The following KIAA1549L variants were observed in gnomAD, a reference collection of about 807,000 sequenced individuals.
KIAA1549L encodes the protein UPF0606 protein KIAA1549L.
KIAA1549L carries 88 observed loss-of-function variants against 160.7 expected under a neutral mutation model. The ratio of observed to expected loss-of-function variants is 0.55; its 90% confidence interval spans 0.46 to 0.65. KIAA1549L has a LOEUF of 0.65. KIAA1549L is among the 30% of genes least tolerant of loss of function. The pLI is 0.00. For missense variants in KIAA1549L, 2,258 were observed against 2,437.5 expected (o/e 0.93, Z 1.55); for synonymous variants, 950 against 976.7 (o/e 0.97, Z 0.51).
At chr11:33,605,170 G>A (rs1850467784) in intron 13 of KIAA1549L, among the ~76,000 whole-genome samples, 1 of 143,936 alleles carries the variant, frequency 6.9e-6, no homozygotes. Flanking sequence ...GTTTTGTTTT[G>A]TTTTGTTTTG....
intron 1 of KIAA1549L, among the ~76,000 whole-genome samples, chr11:33,537,272 G>A (rs1474073102): frequency 6.6e-6 from 1 of 152,162 alleles, no homozygotes; most frequent in African/African-American, 2.4e-5. Context: ...TCAGATCACA[G>A]GACTATGGAT....
intron 2 of KIAA1549L, 160 bp downstream of exon 2, chr11:33,544,496 C>A: frequency 1.2e-6 from 1 of 804,522 alleles, no homozygotes; most frequent in Non-Finnish European, 1.9e-6. Flanking sequence ...CAAGTAGTCA[C>A]CTCATTGATC....
At chr11:33,611,318 G>A (rs1850643910) in intron 15 of KIAA1549L, among the ~76,000 whole-genome samples, 1 of 152,104 alleles carries the variant, frequency 6.6e-6, no homozygotes, top group Admixed American at 6.5e-5. Context: ...GAGCCATAGG[G>A]CAGTTTCTGG....
intron 1 of KIAA1549L, among the ~76,000 whole-genome samples, chr11:33,401,253 AATAC>A (rs1388995688): frequency 5.4e-5 from 8 of 147,956 alleles, no homozygotes; most frequent in Non-Finnish European, 4.5e-5. Context: ...AGTATATATA[AATAC>A]ATTATATTTA....
intron 15 of KIAA1549L, among the ~76,000 whole-genome samples, chr11:33,618,088 T>C (rs1418995570): frequency 6.6e-6 from 1 of 152,250 alleles, no homozygotes; most frequent in Non-Finnish European, 1.5e-5. Context: ...GCCCACTAGC[T>C]ACAGGGTTTA....
At chr11:33,621,787 A>T (rs1850964713) in intron 16 of KIAA1549L, among the ~76,000 whole-genome samples, 1 of 152,216 alleles carries the variant, frequency 6.6e-6, no homozygotes, top group African/African-American at 2.4e-5. Flanking sequence ...AAGGTAAGTA[A>T]TCATTAAATC....
At chr11:33,664,651 C>G (rs1053679079) in intron 20 of KIAA1549L, among the ~76,000 whole-genome samples, 1 of 152,192 alleles carries the variant, frequency 6.6e-6, no homozygotes, top group Non-Finnish European at 1.5e-5. Context: ...CTGACCTTTC[C>G]TGCCATGTGA....
At chr11:33,488,508 G>A (rs1448457257) in intron 1 of KIAA1549L, among the ~76,000 whole-genome samples, 1 of 152,144 alleles carries the variant, frequency 6.6e-6, no homozygotes, top group East Asian at 1.9e-4. Flanking sequence ...TTGATTAATT[G>A]CTTTCCACAT....
intron 1 of KIAA1549L, among the ~76,000 whole-genome samples, chr11:33,456,295 T>C (rs978168075): frequency 4.6e-5 from 7 of 152,300 alleles, no homozygotes; most frequent in Admixed American, 4.6e-4. Context: ...ATAACGGTCA[T>C]GTGTGCCTTT....
chr11:33,474,876 G>T (rs1195507272), intron 1 of KIAA1549L, among the ~76,000 whole-genome samples: 1 of 152,240 alleles, frequency 6.6e-6, no homozygotes, highest in African/African-American at 2.4e-5. Context: ...GTGAGGAATG[G>T]TGGAGGAATT....
At chr11:33,468,194 G>A (rs570321681) in intron 1 of KIAA1549L, among the ~76,000 whole-genome samples, 41 of 152,192 alleles carry the variant, frequency 2.7e-4, no homozygotes, top group Middle Eastern at 6.8e-3. Flanking sequence ...TATTACACTC[G>A]GCTCTTCAAA....
chr11:33,634,792 C>T (rs1590421889), intron 16 of KIAA1549L, among the ~76,000 whole-genome samples: 2 of 152,248 alleles, frequency 1.3e-5, no homozygotes, highest in South Asian at 2.1e-4. Flanking sequence ...GTCCCTATTT[C>T]CTTAGAAGTC....
chr11:33,610,601 G>A (rs946764802), intron 15 of KIAA1549L, among the ~76,000 whole-genome samples: 2 of 152,178 alleles, frequency 1.3e-5, no homozygotes, highest in Non-Finnish European at 2.9e-5. Context: ...GGAACTTAGG[G>A]TCTAATGGGA....
intron 4 of KIAA1549L, 41 bp from the exon 5 acceptor site, chr11:33,550,999 G>A (rs759478940): frequency 1.3e-6 from 2 of 1,530,544 alleles, no homozygotes; most frequent in African/African-American, 1.4e-5. Flanking sequence ...AAAGTGCTGT[G>A]GAAATAAACA....
chr11:33,578,600 C>T (rs922021722), intron 10 of KIAA1549L, among the ~76,000 whole-genome samples: 1 of 152,208 alleles, frequency 6.6e-6, no homozygotes, highest in Non-Finnish European at 1.5e-5. Flanking sequence ...TGCTGGCTCC[C>T]ATCATTCACA....
In KIAA1549L at chr11:33,673,653, A is replaced by G. The variant is rs1472054634; in HGVS notation, c.*5499A>G. 3 of 152,192 alleles carry G rather than the reference A, an allele frequency of 2.0e-5. No individual in the cohort carries two copies. The highest frequency in any genetic ancestry group is 4.4e-5 in the Non-Finnish European group (3 of 68,040). The allele number at this position is 152,192 out of a possible 1,614,324, so 9.4% of individuals were successfully genotyped here. A position where few individuals can be genotyped will look rare whatever the true frequency, so the allele number is the denominator to read the frequency against. On this transcript the variant is annotated 3_prime_UTR_variant, in exon 21 of 21. Transcript: ENST00000658780. Reference sequence around the variant, plus strand: ...ACAAGCACTTGAAGCCATTCTTACTAAATTATTAGTTTTGTAATTCGGTTT... The same window carrying G: ...ACAAGCACTTGAAGCCATTCTTACTGAATTATTAGTTTTGTAATTCGGTTT...
intron 13 of KIAA1549L, among the ~76,000 whole-genome samples, chr11:33,604,933 C>G (rs1387590366): frequency 1.3e-5 from 2 of 152,052 alleles, no homozygotes; most frequent in Admixed American, 6.6e-5. Flanking sequence ...ATCGCTTGAA[C>G]CCCAAAAGCT....
At chr11:33,653,762 T>C (rs2133426377) in intron 17 of KIAA1549L, among the ~76,000 whole-genome samples, 1 of 152,280 alleles carries the variant, frequency 6.6e-6, no homozygotes, top group Non-Finnish European at 1.5e-5. Context: ...ATTTCTCTTT[T>C]ATATTTTCTA....
intron 1 of KIAA1549L, among the ~76,000 whole-genome samples, chr11:33,484,778 C>G (rs1190134013): frequency 2.0e-5 from 3 of 152,186 alleles, no homozygotes; most frequent in African/African-American, 7.2e-5. Context: ...TTCAGTCCCA[C>G]TCCAGAATTT....
Sources: allele counts gnomAD v4.1 joint callset (sites outside exome capture counted in the v4.1 genomes callset), GRCh38; gene constraint gnomAD v4.1.1; transcripts MANE v1.5; gene names NCBI Gene and HGNC (gene_info 2026-07-23, HGNC 2026-07-21).